SIL1: variants seen among roughly 807,000 people sequenced by gnomAD.
The protein encoded by SIL1 is SIL1 nucleotide exchange factor.
In SIL1, 40 loss-of-function variants were observed where a neutral mutation model predicts 49.1. The observed-to-expected ratio is 0.81, with a 90% CI of 0.63 to 1.06. SIL1 has a LOEUF of 1.06. SIL1 is among the 50% of genes least tolerant of loss of function. The probability of loss-of-function intolerance (pLI) is 0.00; values close to 1 mark genes in which losing one functional copy is unlikely to be tolerated. For synonymous variants in SIL1, 253 were observed against 250.8 expected, an observed-to-expected ratio of 1.01 and a Z score of -0.08; for missense variants, 500 against 572.6, an observed-to-expected ratio of 0.87 and a Z score of 1.29.
chr5:139,048,292 C>G (rs928037902), intron 4 of SIL1, among the ~76,000 whole-genome samples: 1 of 151,494 alleles, frequency 6.6e-6, no homozygotes, highest in African/African-American at 2.4e-5. Context: ...GCTGGGACTA[C>G]AGGCATAATA....
chr5:139,135,940 G>A (rs921927537), intron 1 of SIL1, among the ~76,000 whole-genome samples: 2 of 151,980 alleles, frequency 1.3e-5, no homozygotes, highest in Admixed American at 6.6e-5. Flanking sequence ...CATGGTGCAC[G>A]CCTGTAATCC....
intron 3 of SIL1, among the ~76,000 whole-genome samples, chr5:139,052,161 A>AC (rs1769303368): frequency 6.6e-6 from 1 of 152,222 alleles, no homozygotes; most frequent in African/African-American, 2.4e-5. Flanking sequence ...ATAATGATAT[A>AC]GGCAAGTATT....
chr5:139,025,354 G>A (rs530272555), intron 6 of SIL1, among the ~76,000 whole-genome samples: 4 of 152,248 alleles, frequency 2.6e-5, no homozygotes, highest in African/African-American at 9.6e-5. Flanking sequence ...CACTAGGCTG[G>A]ATGATCTTGA....
At chr5:138,986,033 C>T (rs1220842799) in intron 7 of SIL1, among the ~76,000 whole-genome samples, 1 of 152,218 alleles carries the variant, frequency 6.6e-6, no homozygotes, top group Admixed American at 6.5e-5. Flanking sequence ...GGCCCTCTCC[C>T]TTCCCTCCCT....
chr5:139,096,589 C>T (rs958472566), intron 3 of SIL1, among the ~76,000 whole-genome samples: 1 of 151,444 alleles, frequency 6.6e-6, no homozygotes, highest in Non-Finnish European at 1.5e-5. Flanking sequence ...GTGGGGAGGA[C>T]TTCATCTTGC....
At chr5:139,107,412 TAC>T (rs1324356529) in intron 3 of SIL1, among the ~76,000 whole-genome samples, 2 of 152,032 alleles carry the variant, frequency 1.3e-5, no homozygotes, top group Admixed American at 1.3e-4. Flanking sequence ...GAAAAAAAAA[TAC>T]AGAGTTTCCC....
intron 2 of SIL1, among the ~76,000 whole-genome samples, chr5:139,121,921 T>C (rs1198310860): frequency 6.6e-6 from 1 of 152,226 alleles, no homozygotes; most frequent in Non-Finnish European, 1.5e-5. Flanking sequence ...CAAAGTATTA[T>C]TCATTTTGCT....
chr5:138,976,042 T>C (rs566927406), intron 7 of SIL1, among the ~76,000 whole-genome samples: 1 of 152,348 alleles, frequency 6.6e-6, no homozygotes, highest in African/African-American at 2.4e-5. Flanking sequence ...GACGTATCCA[T>C]AGAAGAACCA....
At chr5:139,027,662 G>A (rs1297381942) in intron 5 of SIL1, among the ~76,000 whole-genome samples, 1 of 152,082 alleles carries the variant, frequency 6.6e-6, no homozygotes, top group East Asian at 1.9e-4. Flanking sequence ...TAAAAATGAA[G>A]TTACATTAGA....
At chr5:138,957,413 G>GT (rs1393781256) in intron 7 of SIL1, among the ~76,000 whole-genome samples, 16 of 110,280 alleles carry the variant, frequency 1.5e-4, no homozygotes, top group African/African-American at 7.2e-4. Flanking sequence ...CTCTGCAAAA[G>GT]TAAAAAAAAA....
chr5:139,025,496 T>C (rs900766412), intron 6 of SIL1, among the ~76,000 whole-genome samples: 2 of 152,240 alleles, frequency 1.3e-5, no homozygotes, highest in African/African-American at 4.8e-5. Context: ...GTGCCTGGTA[T>C]ATGACAACAC....
intron 3 of SIL1, among the ~76,000 whole-genome samples, chr5:139,095,335 C>T (rs1770434820): frequency 6.7e-6 from 1 of 150,320 alleles, no homozygotes; most frequent in African/African-American, 2.5e-5. Context: ...GCGATCTCAG[C>T]TCAATGCAAC....
intron 7 of SIL1, among the ~76,000 whole-genome samples, chr5:138,975,555 A>C (rs991468780): frequency 1.3e-5 from 2 of 152,294 alleles, no homozygotes; most frequent in East Asian, 3.9e-4. Context: ...AGTCTCCAGC[A>C]CGGTCACCGG....
chr5:139,134,356 G>A (rs914964625), intron 1 of SIL1, among the ~76,000 whole-genome samples: 11 of 152,182 alleles, frequency 7.2e-5, no homozygotes, highest in Middle Eastern at 3.4e-3. Context: ...GGCTGGTCTC[G>A]AACTCCTGGG....
chr5:138,958,634 T>C (rs374842087), intron 7 of SIL1, among the ~76,000 whole-genome samples: 126 of 152,172 alleles, frequency 8.3e-4, no homozygotes, highest in African/African-American at 2.7e-3. Flanking sequence ...AACATGATGC[T>C]CAAAGGAAAT....
chr5:139,177,241 T>C (rs1751903718), intron 1 of SIL1, among the ~76,000 whole-genome samples: 1 of 144,308 alleles, frequency 6.9e-6, no homozygotes, highest in Non-Finnish European at 1.5e-5. Context: ...CTTTATTTTA[T>C]TTATTTATTT....
intron 3 of SIL1, among the ~76,000 whole-genome samples, chr5:139,069,960 G>A (rs1408188507): frequency 2.0e-5 from 3 of 152,044 alleles, no homozygotes; most frequent in East Asian, 1.9e-4. Flanking sequence ...TTACTGTTTC[G>A]ATGGGCTCTT....
At chr5:139,048,444 T>C (rs1769218201) in intron 4 of SIL1, among the ~76,000 whole-genome samples, 1 of 149,844 alleles carries the variant, frequency 6.7e-6, no homozygotes, top group South Asian at 2.1e-4. Flanking sequence ...GGTACGATCT[T>C]GACTCACTGC....
chr5:139,171,254 A>G (rs1348017885), intron 1 of SIL1, among the ~76,000 whole-genome samples: 3 of 152,190 alleles, frequency 2.0e-5, no homozygotes, highest in African/African-American at 7.2e-5. Context: ...TTTGTGGAAT[A>G]GAAAGGGGGG....
Sources: gnomAD v4.1 joint callset for allele counts (sites outside exome capture counted in the v4.1 genomes callset) on GRCh38, gnomAD v4.1.1 for gene constraint, MANE v1.5 for transcripts, NCBI Gene and HGNC (gene_info 2026-07-23, HGNC 2026-07-21) for gene names.